Variants in TNRC6C observed in about 807,000 individuals in gnomAD.
TNRC6C encodes trinucleotide repeat-containing gene 6C protein.
A neutral mutation model predicts 153.7 loss-of-function variants in TNRC6C; 20 were observed. The observed-to-expected ratio is 0.13, with a 90% CI of 0.09 to 0.19. TNRC6C has a LOEUF of 0.19. Ranked by LOEUF, TNRC6C falls within the 10% of genes least tolerant of loss-of-function variation. The pLI, the probability that TNRC6C is intolerant of heterozygous loss-of-function variation, is 1.00. For synonymous variants in TNRC6C, 811 were observed against 841.4 expected, an observed-to-expected ratio of 0.96 and a Z score of 0.63; for missense variants, 1,987 against 2,172.0, an observed-to-expected ratio of 0.91 and a Z score of 1.69.
chr17:78,050,365 C>G lies in TNRC6C; in HGVS notation c.1303C>G (p.Pro435Ala), dbSNP rs935943055. ...TATAGACCAAGGGCACATCCAGTTG[C>G]CAAGGAATGATCTTGACCCAAGAGT... Residue 435 changes from proline to alanine, a missense_variant, in exon 3 of 20, where the codon CCA becomes GCA. By Grantham distance (27) the Pro-to-Ala change is conservative. Coordinates refer to ENST00000301624, the Ensembl canonical transcript of TNRC6C. 9 of 1,612,586 alleles carry G rather than the reference C, an allele frequency of 5.6e-6. No homozygotes were observed. In the African/African-American group the frequency reaches 6.7e-5, roughly 12 times the overall value.
At chr17:78,016,782 T>C (rs529329635) in intron 1 of TNRC6C, among the ~76,000 whole-genome samples, 1 of 152,332 alleles carries the variant, frequency 6.6e-6, no homozygotes, top group Non-Finnish European at 1.5e-5. Context: ...ACGCTTACTG[T>C]GTACTAAGTG....
chr17:77,992,497 CAAAAA>C (rs1333860215), intron 1 of TNRC6C, among the ~76,000 whole-genome samples: 1 of 29,536 alleles, frequency 3.4e-5, no homozygotes, highest in African/African-American at 3.2e-4. Flanking sequence ...GACTCCGTCT[CAAAAA>C]AAAAAAAAAA....
At chr17:78,056,723 G>GCAA (rs1009988388) in intron 3 of TNRC6C, among the ~76,000 whole-genome samples, 1 of 150,410 alleles carries the variant, frequency 6.6e-6, no homozygotes, top group Admixed American at 6.6e-5. Context: ...CCTCGACCCC[G>GCAA]CAAAGTGCTG....
Position 78,022,441 on chromosome 17 carries a change from T to C in TNRC6C, c.-545-9075T>C, listed in dbSNP as rs543844121. Among the ~76,000 whole-genome samples, 8 of 152,346 alleles carry C rather than the reference T, an allele frequency of 5.3e-5. No individual in the cohort carries two copies. In the South Asian group the frequency reaches 1.7e-3, roughly 32 times the overall value. ...TTCCTTTCTGTAGCATGAACTCCTT[T>C]TCCTCTGAAGGTTTTGAAGAAAAAC... On this transcript the variant is annotated intron_variant, in intron 1 of 19. Transcript: ENST00000301624.
At position 78,097,675 on chromosome 17, in the gene TNRC6C, C is replaced by T. The variant is rs188139030; in HGVS notation, c.4307-668C>T. The T allele has an allele frequency of 3.5e-5, 39 of 1,113,116 alleles. No individual in the cohort carries two copies. The African/African-American group carries it at 5.3e-4, about 15-fold the overall frequency. 69.0% of individuals were successfully genotyped at this position (1,113,116 alleles called of 1,614,324 possible). ...AGAGGTTGATTCCTGATGGTTCTCA[C>T]ACCCCACAGTTAGAGTCATGAACCC... On this transcript the variant is annotated intron_variant, in intron 16 of 19. Coordinates refer to ENST00000301624, the Ensembl canonical transcript of TNRC6C.
chr17:78,081,415 A>G (rs963468927), intron 10 of TNRC6C, among the ~76,000 whole-genome samples: 1 of 152,162 alleles, frequency 6.6e-6, no homozygotes, highest in African/African-American at 2.4e-5. Context: ...CTGAGTTGAT[A>G]GTGCACAATT....
Position 78,075,234 on chromosome 17 carries a change from A to G in TNRC6C, c.3016A>G (p.Ile1006Val), listed in dbSNP as rs765820183. 4.0e-5 allele frequency: 64 copies of G among 1,603,854 alleles called. No individual in the cohort carries two copies. Among genetic ancestry groups the G allele is most frequent in the Non-Finnish European group, 4.9e-5 (57 of 1,175,192 alleles). The change falls in exon 8 of 20, where the codon ATC (isoleucine) becomes GTC (valine). Residue 1006 changes from isoleucine to valine, a missense_variant. Around this residue, in one of 4 missense-constraint regions of TNRC6C, gnomAD observed 765 missense variants for 908.6 expected, o/e 0.84. Coordinates refer to ENST00000301624, the Ensembl canonical transcript of TNRC6C. The surrounding 1 kb of genome is among the most constrained non-coding windows in gnomAD (Gnocchi z 4.2). ...CAAGCCCCTCGGCTGCCGCCCGCCAATCTCCAAAGAGTCTTCCGTGGACCG... is the reference window on the plus strand; with the variant it reads ...CAAGCCCCTCGGCTGCCGCCCGCCAGTCTCCAAAGAGTCTTCCGTGGACCG...
At chr17:78,097,957 C>T (rs551086508) in intron 16 of TNRC6C, 96 bp downstream of exon 19, 450 of 1,059,790 alleles carry the variant, frequency 4.2e-4, no homozygotes, top group Admixed American at 2.5e-3. Flanking sequence ...GCTCTTTACT[C>T]ACTCCCTGAG....
At chr17:78,017,853 G>A (rs1345481738) in intron 1 of TNRC6C, among the ~76,000 whole-genome samples, 2 of 152,270 alleles carry the variant, frequency 1.3e-5, no homozygotes, top group Middle Eastern at 3.4e-3. Context: ...TTGTAGGTAC[G>A]AGGTGCGCAC....
rs2073137955 is a variant in TNRC6C, at chr17:78,079,304, A to G, written c.3211-91A>G. 1.3e-6 allele frequency: 2 copies of G among 1,543,396 alleles called. No homozygotes were observed. The highest frequency in any genetic ancestry group is 1.8e-6 in the Non-Finnish European group (2 of 1,137,226). On this transcript the variant is annotated intron_variant, in intron 9 of 19. Coordinates refer to ENST00000301624, the Ensembl canonical transcript of TNRC6C. The surrounding 1 kb of genome is among the most constrained non-coding windows in gnomAD (Gnocchi z 4.3). ...TGGTAGGAAGTAGAAACAATTTTGC[A>G]TTCACTTGAAATAGATCATTTCACC...
chr17:77,982,192 G>C (rs1225487733), intron 1 of TNRC6C, among the ~76,000 whole-genome samples: 1 of 152,124 alleles, frequency 6.6e-6, no homozygotes, highest in Admixed American at 6.6e-5. Context: ...CCAGCCTCTA[G>C]AACTATGAGA....
rs2143977305 is a variant in TNRC6C, at chr17:78,049,459, A to C, written c.397A>C (p.Ile133Leu). The stretch of plus-strand genomic sequence containing the variant: ...CAGTATTTGCAGTCCAGTCAGTGCC[A>C]TAGGTCAAAATATGGGCAACCAGAA... The change falls in exon 3 of 20, where the codon ATA becomes CTA. Residue 133 changes from isoleucine (I) to leucine (L), a missense_variant. Physicochemically the swap from Ile to Leu is conservative, Grantham distance 5 (BLOSUM62 2). Transcript: ENST00000301624. This position sits in a 1 kb window ranked among gnomAD's most constrained non-coding sequence, Gnocchi z 4.1. The C allele has an allele frequency of 6.2e-7, 1 of 1,614,036 alleles. No homozygotes were observed. Among genetic ancestry groups the C allele is most frequent in the East Asian group, 2.2e-5 (1 of 44,888 alleles).
intron 1 of TNRC6C, among the ~76,000 whole-genome samples, chr17:78,006,582 C>A (rs1412826126): frequency 7.0e-6 from 1 of 143,680 alleles, no homozygotes; most frequent in Non-Finnish European, 1.5e-5. Flanking sequence ...CTTCCTTCTT[C>A]TTCCTTCTTC....
At chr17:78,087,156 G>A in intron 13 of TNRC6C, 63 bp downstream of exon 15, 19 of 1,571,004 alleles carry the variant, frequency 1.2e-5, no homozygotes, top group Non-Finnish European at 1.6e-5. Flanking sequence ...GTCCGTATGT[G>A]GTAGCCAGGG....
chr17:77,985,270 G>A (rs1350978454), intron 1 of TNRC6C, among the ~76,000 whole-genome samples: 2 of 152,068 alleles, frequency 1.3e-5, no homozygotes, highest in Non-Finnish European at 2.9e-5. Context: ...GGCTACCCAT[G>A]TTCCTTGCCT....
chr17:78,015,655 A>T (rs1411997051), intron 1 of TNRC6C, among the ~76,000 whole-genome samples: 1 of 152,208 alleles, frequency 6.6e-6, no homozygotes, highest in East Asian at 1.9e-4. Context: ...CTCAGCCTGT[A>T]ATCCCAGCCA....
In TNRC6C at chr17:78,077,936, G is replaced by A. The variant is rs1045278090; in HGVS notation, c.3210+602G>A. Among the ~76,000 whole-genome samples, 4 of 152,296 alleles carry A rather than the reference G, an allele frequency of 2.6e-5. No homozygotes were observed. In the South Asian group the frequency reaches 8.3e-4, roughly 32 times the overall value. ...CTCATATAGACTCTTAACATGAAATGTTGTACCAAAAAACATATCATCCTT... is the reference window on the plus strand; with the variant it reads ...CTCATATAGACTCTTAACATGAAATATTGTACCAAAAAACATATCATCCTT... On this transcript the variant is annotated intron_variant, in intron 9 of 19. Transcript: ENST00000301624.
At chr17:78,056,869 T>TTTTTTTTTTTTTTTTTTGA (rs1555638091) in intron 3 of TNRC6C, among the ~76,000 whole-genome samples, 156 of 150,962 alleles carry the variant, frequency 1.0e-3, no homozygotes, top group East Asian at 2.2e-3. Context: ...CTCTTTTATA[T>TTTTTTTTTTTTTTTTTTGA]GAAAAATATT....
chr17:78,027,607 A>C (rs76992006), intron 1 of TNRC6C, among the ~76,000 whole-genome samples: 2,148 of 152,300 alleles, frequency 0.014, 46 homozygotes, highest in African/African-American at 0.049. Context: ...GACCCAGGAC[A>C]CGCAAAGTCC....
Sources: allele counts gnomAD v4.1 joint callset (sites outside exome capture counted in the v4.1 genomes callset), GRCh38; gene constraint gnomAD v4.1.1; regional missense constraint gnomAD v4.1.1; non-coding constraint Gnocchi (gnomAD v3.1); transcripts MANE v1.5; gene names NCBI Gene and HGNC (gene_info 2026-07-23, HGNC 2026-07-21).